Variants in RANBP2 observed in about 807,000 individuals in gnomAD.
The protein encoded by RANBP2 is RAN binding protein 2, also known as E3 SUMO-protein ligase RanBP2.
In RANBP2, 57 loss-of-function variants were observed where a neutral mutation model predicts 303.6. That is an observed-to-expected ratio of 0.19 (90% CI 0.15 to 0.23). The LOEUF is 0.23. Among genes scored for constraint, RANBP2 ranks in the 10% least tolerant of loss-of-function variants. The pLI is 1.00. For synonymous variants in RANBP2, 1,167 were observed against 1,301.5 expected (o/e 0.90, Z 2.23); for missense variants, 3,138 against 3,780.8 (o/e 0.83, Z 4.46).
the RANBP2 span, among the ~76,000 whole-genome samples, chr2:109,085,937 G>A: frequency 6.6e-6 from 1 of 152,108 alleles, no homozygotes; most frequent in African/African-American, 2.4e-5. Context: ...ACAGTTCCGT[G>A]GCATTAAGTA....
At chr2:109,289,562 T>A in the RANBP2 span, among the ~76,000 whole-genome samples, 48 of 152,324 alleles carry the variant, frequency 3.2e-4, no homozygotes, top group East Asian at 9.1e-3. Flanking sequence ...GGGACCATGG[T>A]GTAGCACTGG....
the RANBP2 span, among the ~76,000 whole-genome samples, chr2:109,590,217 C>T: frequency 6.6e-6 from 1 of 151,874 alleles, no homozygotes; most frequent in East Asian, 1.9e-4. Flanking sequence ...GAGAAGAAAT[C>T]GCTTTTTATT....
chr2:109,564,271 T>TCTTTTG, the RANBP2 span: 1 of 1,161,430 alleles, frequency 8.6e-7, no homozygotes, highest in Non-Finnish European at 1.1e-6. Context: ...TTTGGGAGAT[T>TCTTTTG]CTAAAGAACA....
the RANBP2 span, chr2:109,737,171 T>A: frequency 2.4e-6 from 2 of 823,204 alleles, no homozygotes; most frequent in Non-Finnish European, 3.8e-6. Flanking sequence ...TCGTCCTGGT[T>A]AATTTGGAAG....
At chr2:109,501,884 C>A in the RANBP2 span, 2 of 533,332 alleles carry the variant, frequency 3.8e-6, no homozygotes, top group Non-Finnish European at 3.4e-6. Context: ...GGATGTTCTT[C>A]AAGGAAATGC....
the RANBP2 span, among the ~76,000 whole-genome samples, chr2:109,203,365 T>C: frequency 1.3e-5 from 2 of 152,192 alleles, no homozygotes; most frequent in African/African-American, 4.8e-5. Context: ...TGCTGCCCTG[T>C]TGTGAGACGG....
the RANBP2 span, among the ~76,000 whole-genome samples, chr2:109,650,049 G>A: frequency 0.21 from 31,523 of 152,088 alleles, 3,740 homozygotes; most frequent in Middle Eastern, 0.3. Context: ...GATATTCCTC[G>A]TGGGACAGTA....
the RANBP2 span, among the ~76,000 whole-genome samples, chr2:109,534,795 G>A: frequency 6.6e-6 from 1 of 151,940 alleles, no homozygotes; most frequent in South Asian, 2.1e-4. Context: ...GTTTGGGAGT[G>A]AAAGTTGTTT....
chr2:109,063,821 C>T, the RANBP2 span, among the ~76,000 whole-genome samples: 1 of 151,182 alleles, frequency 6.6e-6, no homozygotes, highest in African/African-American at 2.4e-5. Flanking sequence ...AACAAAAAAA[C>T]AACGTAGTGT....
chr2:109,502,203 C>T, the RANBP2 span: 1 of 149,460 alleles, frequency 6.7e-6, no homozygotes, highest in Non-Finnish European at 1.5e-5. Context: ...GGGGGTGCCC[C>T]GGAAGGGGCA....
rs765786877 is a variant in RANBP2, at chr2:108,766,384, G to T, written c.5845G>T (p.Asp1949Tyr). 6.2e-7 allele frequency: 1 copy of T among 1,611,968 alleles called. No individual in the cohort carries two copies. Among genetic ancestry groups the T allele is most frequent in the African/African-American group, 1.3e-5 (1 of 74,950 alleles). The change falls in exon 20 of 29, where the codon GAT becomes TAT. Residue 1949 changes from aspartate to tyrosine, a missense_variant. Asp to Tyr is a radical substitution (Grantham distance 160). Around this residue, in one of 20 missense-constraint regions of RANBP2, gnomAD observed 348 missense variants for 360.4 expected, o/e 0.97. Transcript: ENST00000283195. Reference sequence around the variant, plus strand: ...AACAAGTAGCACTTTTACATTTGCAGATCTTGCAAAATCAACTTCAGGAGA... The same window carrying T: ...AACAAGTAGCACTTTTACATTTGCATATCTTGCAAAATCAACTTCAGGAGA... ...GQTSSTFTFA[D>Y]LAKSTSGEGF...
At chr2:109,438,352 T>C in the RANBP2 span, among the ~76,000 whole-genome samples, 2 of 151,974 alleles carry the variant, frequency 1.3e-5, no homozygotes, top group African/African-American at 4.8e-5. Flanking sequence ...GGGTGAACTT[T>C]GGGTGCCCAA....
intron 4 of RANBP2, among the ~76,000 whole-genome samples, chr2:108,733,836 T>C (rs1398804443): frequency 6.7e-6 from 1 of 150,052 alleles, no homozygotes; most frequent in African/African-American, 2.5e-5. Flanking sequence ...GTTACACCTT[T>C]CCTGTATCAG....
At chr2:108,732,177 T>C (rs1695217689) in intron 4 of RANBP2, among the ~76,000 whole-genome samples, 1 of 152,170 alleles carries the variant, frequency 6.6e-6, no homozygotes, top group African/African-American at 2.4e-5. Context: ...CCCCATTATA[T>C]ATGTTTCTGA....
In RANBP2 at chr2:108,731,437, A is replaced by G. The variant is rs766505646; in HGVS notation, c.368A>G (p.Lys123Arg). 14 of 1,611,606 alleles carry G rather than the reference A, an allele frequency of 8.7e-6. No individual in the cohort carries two copies. In the Admixed American group the frequency reaches 1.0e-4, roughly 12 times the overall value. ...RAKYWLERAA[K>R]LFPGSPAIYK... Reference sequence around the variant, plus strand: ...AAATACTGGCTTGAAAGAGCAGCCAAACTTTTCCCAGGAAGTCCTGCAATT... The same window carrying G: ...AAATACTGGCTTGAAAGAGCAGCCAGACTTTTCCCAGGAAGTCCTGCAATT... Residue 123 changes from lysine to arginine, a missense_variant, in exon 4 of 29, where the codon AAA becomes AGA. Lys to Arg is a conservative substitution (Grantham distance 26). This residue lies in a region of RANBP2 where 306 missense variants were observed against 381.9 expected (regional missense o/e 0.80). Coordinates refer to ENST00000283195, the MANE Select transcript of RANBP2 (RefSeq NM_006267.5).
At chr2:109,090,111 G>A in the RANBP2 span, among the ~76,000 whole-genome samples, 1 of 152,040 alleles carries the variant, frequency 6.6e-6, no homozygotes, top group Non-Finnish European at 1.5e-5. Flanking sequence ...CGACAACAGA[G>A]ACCACACAGA....
the RANBP2 span, among the ~76,000 whole-genome samples, chr2:109,133,305 A>G: frequency 3.9e-5 from 6 of 152,360 alleles, no homozygotes; most frequent in Admixed American, 3.9e-4. Flanking sequence ...ACAGTGGTAT[A>G]TGTTCACATT....
chr2:108,955,852 C>T, the RANBP2 span, among the ~76,000 whole-genome samples: 6 of 152,056 alleles, frequency 3.9e-5, no homozygotes, highest in Non-Finnish European at 8.8e-5. Flanking sequence ...CGGCGAAATA[C>T]TGTCTGTACT....
At chr2:109,125,348 C>T in the RANBP2 span, among the ~76,000 whole-genome samples, 2 of 152,246 alleles carry the variant, frequency 1.3e-5, no homozygotes, top group Middle Eastern at 3.4e-3. Flanking sequence ...GAGCGTCTTC[C>T]AAATCTAAAA....
Sources: gnomAD v4.1 joint callset for allele counts (sites outside exome capture counted in the v4.1 genomes callset) on GRCh38, gnomAD v4.1.1 for gene constraint, gnomAD v4.1.1 regional missense constraint, MANE v1.5 for transcripts, NCBI Gene and HGNC (gene_info 2026-07-23, HGNC 2026-07-21) for gene names.